RBKS: variants seen among roughly 807,000 people sequenced by gnomAD.
RBKS encodes ribokinase.
Under a neutral mutation model 33.9 loss-of-function variants are expected in RBKS, and 33 were observed. The ratio of observed to expected loss-of-function variants is 0.97; its 90% CI spans 0.74 to 1.30. RBKS has a LOEUF of 1.30. RBKS is among the 50% of genes most tolerant of loss of function. RBKS has a pLI of 0.00. For missense variants in RBKS, 361 were observed against 392.6 expected, an observed-to-expected ratio of 0.92 and a Z score of 0.68; for synonymous variants, 125 against 143.0, an observed-to-expected ratio of 0.87 and a Z score of 0.90.
intron 2 of RBKS, among the ~76,000 whole-genome samples, chr2:27,849,575 AAAAAAAAAAAAG>A (rs58222689): frequency 6.8e-6 from 1 of 147,824 alleles, no homozygotes; most frequent in African/African-American, 2.6e-5. Flanking sequence ...AAAAAAAAAA[AAAAAAAAAAAAG>A]AAAAAGAAAA....
intron 7 of RBKS, among the ~76,000 whole-genome samples, chr2:27,796,677 T>C (rs1249474214): frequency 6.6e-6 from 1 of 151,064 alleles, no homozygotes; most frequent in Non-Finnish European, 1.5e-5. Context: ...GTGGGGAGGG[T>C]TGAGGATTTA....
intron 7 of RBKS, among the ~76,000 whole-genome samples, chr2:27,784,150 A>AT (rs1344423398): frequency 1.3e-5 from 2 of 149,168 alleles, no homozygotes; most frequent in Non-Finnish European, 3.0e-5. Flanking sequence ...CGCCCGGCTA[A>AT]TTTTTTGTAT....
At chr2:27,794,925 A>G (rs7593136) in intron 7 of RBKS, among the ~76,000 whole-genome samples, 54,319 of 151,940 alleles carry the variant, frequency 0.36, 12,029 homozygotes, top group African/African-American at 0.59. Context: ...TGCCCAGCCC[A>G]GGAGGAACAC....
At chr2:27,802,656 C>T (rs1000255600) in intron 7 of RBKS, among the ~76,000 whole-genome samples, 8 of 152,180 alleles carry the variant, frequency 5.3e-5, no homozygotes, top group Non-Finnish European at 1.5e-5. Flanking sequence ...CGCAGCAACT[C>T]TAAGTTCAAT....
At chr2:27,845,234 T>C (rs1663600422) in intron 4 of RBKS, among the ~76,000 whole-genome samples, 1 of 152,252 alleles carries the variant, frequency 6.6e-6, no homozygotes, top group Non-Finnish European at 1.5e-5. Context: ...AGCTGTCTGA[T>C]GGATAATGCC....
intron 7 of RBKS, among the ~76,000 whole-genome samples, chr2:27,813,545 C>T (rs1678032222): frequency 6.6e-6 from 1 of 151,614 alleles, no homozygotes; most frequent in Non-Finnish European, 1.5e-5. Context: ...GGGCAAAAGA[C>T]CTGAAGAAAT....
At chr2:27,827,495 G>A in intron 7 of RBKS, 72 bp downstream of exon 7, 1 of 1,336,638 alleles carries the variant, frequency 7.5e-7, no homozygotes, top group Non-Finnish European at 1.0e-6. Flanking sequence ...AAAAATTCAG[G>A]TACAGCATCT....
intron 2 of RBKS, among the ~76,000 whole-genome samples, chr2:27,855,719 T>C (rs1014148470): frequency 3.3e-5 from 5 of 152,234 alleles, no homozygotes; most frequent in Admixed American, 6.5e-5. Context: ...TGTTTCATTA[T>C]ACATGTATCA....
At chr2:27,871,860 T>C (rs1027113057) in intron 1 of RBKS, among the ~76,000 whole-genome samples, 1 of 152,238 alleles carries the variant, frequency 6.6e-6, no homozygotes, top group Non-Finnish European at 1.5e-5. Flanking sequence ...CAAACCTCTC[T>C]GCTAATGTTA....
At position 27,822,483 on chromosome 2, in the gene RBKS, C is replaced by T. The variant is rs150641521; in HGVS notation, c.795+5084G>A. On this transcript the variant is annotated intron_variant, in intron 7 of 7. Transcript: ENST00000302188. ...ATCCTTGAGACAGCCGGGATGGCCG[C>T]GGGCCAGACCCCAGGATGAGAGGAA... Among the ~76,000 whole-genome samples, 1,061 of 152,294 alleles carry T rather than the reference C, an allele frequency of 7.0e-3. 12 individuals are homozygous for T. The highest frequency in any genetic ancestry group is 0.023 in the African/African-American group (940 of 41,562).
chr2:27,795,687 C>A lies in RBKS; in HGVS notation c.796-13899G>T, dbSNP rs1677653438. ...TAAATGGCAGAGCTGCACTTTGTAC[C>A]CAGACCCAGTGATTCCGCTCCCATC... On this transcript the variant is annotated intron_variant, in intron 7 of 7. Coordinates refer to ENST00000302188, the MANE Select transcript of RBKS (RefSeq NM_022128.3). This position sits in a 1 kb window ranked among gnomAD's most constrained non-coding sequence, Gnocchi z 4.1. Among the ~76,000 whole-genome samples, 1 of 152,168 alleles carries A rather than the reference C, an allele frequency of 6.6e-6. No individual in the cohort carries two copies. Among genetic ancestry groups the A allele is most frequent in the African/African-American group, 2.4e-5 (1 of 41,502 alleles).
intron 7 of RBKS, among the ~76,000 whole-genome samples, chr2:27,797,227 G>C (rs1025373135): frequency 2.6e-5 from 4 of 152,192 alleles, no homozygotes; most frequent in Non-Finnish European, 5.9e-5. Flanking sequence ...TGCGGTGTGC[G>C]ATTAGGCAAA....
chr2:27,824,156 T>G (rs181268422), intron 7 of RBKS, among the ~76,000 whole-genome samples: 1 of 152,340 alleles, frequency 6.6e-6, no homozygotes, highest in African/African-American at 2.4e-5. Context: ...ATGCCTGGCT[T>G]CTTTTACTTA....
intron 3 of RBKS, 105 bp downstream of exon 3, chr2:27,847,929 C>T: frequency 1.5e-6 from 1 of 681,144 alleles, no homozygotes; most frequent in Middle Eastern, 2.7e-4. Context: ...ATTCTCTGGC[C>T]ACCAGGGGAA....
At chr2:27,853,777 A>G (rs984627047) in intron 2 of RBKS, among the ~76,000 whole-genome samples, 3 of 152,154 alleles carry the variant, frequency 2.0e-5, no homozygotes, top group African/African-American at 7.2e-5. Flanking sequence ...CATTTCTACC[A>G]TTTCTTCCTA....
rs577717829 is a variant in RBKS, at chr2:27,832,530, C to T, written c.606+156G>A. On this transcript the variant is annotated intron_variant, in intron 6 of 7. Transcript: ENST00000302188. ...TTTCCCCCCTAGGATTTACTAATTT[C>T]CTTTTCTCCACACCCCGGTAAACTG... Among the ~76,000 whole-genome samples the T allele has an allele frequency of 5.3e-4, 81 of 152,292 alleles. 2 individuals are homozygous for T. The highest frequency in any genetic ancestry group is 1.9e-3 in the African/African-American group (79 of 41,572).
At chr2:27,830,600 A>T (rs1678399939) in intron 6 of RBKS, among the ~76,000 whole-genome samples, 1 of 151,622 alleles carries the variant, frequency 6.6e-6, no homozygotes, top group Admixed American at 6.6e-5. Flanking sequence ...TCTTTCTTCC[A>T]TTAAGTTTCT....
intron 7 of RBKS, among the ~76,000 whole-genome samples, chr2:27,813,930 T>C (rs551357313): frequency 4.7e-4 from 71 of 152,300 alleles, no homozygotes; most frequent in African/African-American, 1.7e-3. Flanking sequence ...TATTAATAGC[T>C]AAGTTCTGGT....
intron 1 of RBKS, among the ~76,000 whole-genome samples, chr2:27,882,844 C>T (rs1295267809): frequency 6.6e-6 from 1 of 152,166 alleles, no homozygotes; most frequent in Non-Finnish European, 1.5e-5. Context: ...CTAAATACTG[C>T]ATGTTCTTAC....
Sources: gnomAD v4.1 joint callset for allele counts (sites outside exome capture counted in the v4.1 genomes callset) on GRCh38, gnomAD v4.1.1 for gene constraint, Gnocchi (gnomAD v3.1) non-coding constraint, MANE v1.5 for transcripts, NCBI Gene and HGNC (gene_info 2026-07-23, HGNC 2026-07-21) for gene names.